The following BCL7B variants were observed in gnomAD, a reference collection of about 807,000 sequenced individuals.
BCL7B encodes the protein B-cell CLL/lymphoma 7 protein family member B.
In BCL7B, 11 loss-of-function variants were observed where a neutral mutation model predicts 26.5. The ratio of observed to expected loss-of-function variants is 0.42; its 90% CI spans 0.26 to 0.69. The LOEUF is 0.69. BCL7B is among the 30% of genes least tolerant of loss of function. The pLI is 0.28. For synonymous variants in BCL7B, 111 were observed against 107.9 expected, an observed-to-expected ratio of 1.03 and a Z score of -0.18; for missense variants, 215 against 264.4, an observed-to-expected ratio of 0.81 and a Z score of 1.30.
intron 3 of BCL7B, among the ~76,000 whole-genome samples, chr7:73,542,608 G>C (rs1791807328): frequency 6.6e-6 from 1 of 152,152 alleles, no homozygotes; most frequent in South Asian, 2.1e-4. Flanking sequence ...TGATACATGG[G>C]TAAAAATGAG....
chr7:73,557,095 C>T, intron 1 of BCL7B: 1 of 991,478 alleles, frequency 1.0e-6, no homozygotes, highest in South Asian at 4.7e-5. Context: ...TGACACCACT[C>T]CAGGGCTACT....
chr7:73,546,880 G>A (rs917587766), intron 2 of BCL7B, among the ~76,000 whole-genome samples: 2 of 152,066 alleles, frequency 1.3e-5, no homozygotes, highest in African/African-American at 4.8e-5. Context: ...AAATAAAGCA[G>A]TTGGCCAGGC....
intron 4 of BCL7B, chr7:73,538,305 C>T (rs1791619389): frequency 3.4e-6 from 1 of 290,662 alleles, no homozygotes; most frequent in African/African-American, 2.2e-5. Flanking sequence ...AACTCAATCT[C>T]CCAGTTTTCT....
chr7:73,554,898 C>T (rs1252057041), intron 1 of BCL7B, among the ~76,000 whole-genome samples: 1 of 151,690 alleles, frequency 6.6e-6, no homozygotes, highest in African/African-American at 2.4e-5. Flanking sequence ...AAAATTAATT[C>T]CTGAACAGAC....
chr7:73,540,828 T>G (rs1423584694), intron 3 of BCL7B, among the ~76,000 whole-genome samples: 1 of 2,126 alleles, frequency 4.7e-4, no homozygotes, highest in Admixed American at 8.2e-3. Context: ...AGACTCTGTC[T>G]CAAAAAAAAA....
rs371402620 is a variant in BCL7B, at chr7:73,540,922, G to A, written c.266-870C>T. 7.9e-5 allele frequency among the ~76,000 whole-genome samples: 12 copies of A among 151,180 alleles called. No individual in the cohort carries two copies. In the East Asian group the frequency reaches 1.9e-3, roughly 24 times the overall value. On this transcript the variant is annotated intron_variant, in intron 3 of 5. Transcript: ENST00000223368. ...AGCACTTTGGGAGGCCAAGGTGGGCGGATCACTTGAGGTCAGAAGTTTGAG... is the reference window on the plus strand; with the variant it reads ...AGCACTTTGGGAGGCCAAGGTGGGCAGATCACTTGAGGTCAGAAGTTTGAG...
chr7:73,537,415 G>A (rs1791581739), intron 5 of BCL7B, 25 bp from the exon 6 acceptor site: 3 of 1,592,270 alleles, frequency 1.9e-6, no homozygotes, highest in African/African-American at 1.3e-5. Flanking sequence ...AGCATGGAAT[G>A]CCAGGGCCAC....
Position 73,552,511 on chromosome 7 carries a change from G to T in BCL7B, c.93-269C>A, listed in dbSNP as rs1554584272. 4.6e-5 allele frequency among the ~76,000 whole-genome samples: 7 copies of T among 151,990 alleles called. No homozygotes were observed. The South Asian group carries it at 1.5e-3, about 32-fold the overall frequency. On this transcript the variant is annotated intron_variant, in intron 1 of 5. Coordinates refer to ENST00000223368, the MANE Select transcript of BCL7B (RefSeq NM_001707.4). ...AAAAAAATACAGGCCAGGCGCAGCG[G>T]CTCACGCCTGTAAACCCAACACTTT...
intron 1 of BCL7B, 175 bp downstream of exon 1, chr7:73,557,312 G>A (rs1584006782): frequency 8.6e-7 from 1 of 1,164,306 alleles, no homozygotes; most frequent in East Asian, 3.8e-5. Context: ...CTGATTGGCC[G>A]CGGCCGGCGC....
chr7:73,549,852 A>G (rs960865601), intron 2 of BCL7B, among the ~76,000 whole-genome samples: 1 of 152,156 alleles, frequency 6.6e-6, no homozygotes, highest in Non-Finnish European at 1.5e-5. Flanking sequence ...CTCAAAAATA[A>G]TAATAAAGGA....
intron 2 of BCL7B, among the ~76,000 whole-genome samples, chr7:73,547,316 T>C (rs1413773189): frequency 6.7e-6 from 1 of 149,204 alleles, no homozygotes; most frequent in Non-Finnish European, 1.5e-5. Flanking sequence ...TTTAAAAGTT[T>C]GCCAGGCGTG....
chr7:73,551,434 G>A (rs572576064), intron 2 of BCL7B, among the ~76,000 whole-genome samples: 52 of 152,236 alleles, frequency 3.4e-4, no homozygotes, highest in African/African-American at 1.2e-3. Context: ...CTGAGTAGCT[G>A]GGATTACAGG....
chr7:73,541,124 G>A (rs1327159507), intron 3 of BCL7B, among the ~76,000 whole-genome samples: 8 of 152,086 alleles, frequency 5.3e-5, no homozygotes, highest in Non-Finnish European at 8.8e-5. Context: ...TGTAGCCTGG[G>A]TGACATGGCG....
intron 2 of BCL7B, among the ~76,000 whole-genome samples, chr7:73,550,937 G>A (rs929096404): frequency 6.6e-6 from 1 of 152,134 alleles, no homozygotes; most frequent in Non-Finnish European, 1.5e-5. Context: ...GATTACAGGC[G>A]TGAGCCACCA....
At chr7:73,556,967 G>A in intron 1 of BCL7B, 3 of 988,786 alleles carry the variant, frequency 3.0e-6, no homozygotes, top group Non-Finnish European at 3.6e-6. Flanking sequence ...CGGTTACTGG[G>A]GGAAAGGGAG....
intron 1 of BCL7B, among the ~76,000 whole-genome samples, chr7:73,554,330 T>C (rs1171227203): frequency 6.6e-6 from 1 of 151,984 alleles, no homozygotes; most frequent in Non-Finnish European, 1.5e-5. Context: ...TATTTTAAGG[T>C]CCACCAATAC....
chr7:73,544,421 TAAAATAAAACAA>T (rs1313654396), intron 2 of BCL7B, among the ~76,000 whole-genome samples: 1 of 149,762 alleles, frequency 6.7e-6, no homozygotes, highest in Non-Finnish European at 1.5e-5. Context: ...TAAAAAAACA[TAAAATAAAACAA>T]AAAATAAAAT....
chr7:73,537,408 A>C lies in BCL7B; in HGVS notation c.517-18T>G. 1 of 1,608,304 alleles carries C rather than the reference A, an allele frequency of 6.2e-7. No individual in the cohort carries two copies. The highest frequency in any genetic ancestry group is 1.1e-5 in the South Asian group (1 of 90,964). ...TCAACGACCTAGGAGCAGGCAGAGC[A>C]TGGAATGCCAGGGCCACCCCTCCCA... On this transcript the variant is annotated intron_variant, in intron 5 of 5. Transcript: ENST00000223368.
intron 1 of BCL7B, among the ~76,000 whole-genome samples, chr7:73,553,063 A>C (rs1015116805): frequency 6.6e-6 from 1 of 151,446 alleles, no homozygotes; most frequent in Non-Finnish European, 1.5e-5. Context: ...CTGGGACTAG[A>C]GGCGCACACC....
Sources: gnomAD v4.1 joint callset for allele counts (sites outside exome capture counted in the v4.1 genomes callset) on GRCh38, gnomAD v4.1.1 for gene constraint, MANE v1.5 for transcripts, NCBI Gene and HGNC (gene_info 2026-07-23, HGNC 2026-07-21) for gene names.